The following OSBPL1A variants were observed in gnomAD, a reference collection of about 807,000 sequenced individuals.
OSBPL1A encodes the protein oxysterol binding protein like 1A, also known as oxysterol-binding protein-related protein 1.
In OSBPL1A, 80 loss-of-function variants were observed where a neutral mutation model predicts 137.1. That is an observed-to-expected ratio of 0.58 (90% CI 0.49 to 0.70). OSBPL1A has a LOEUF of 0.70. Ranked by LOEUF, OSBPL1A falls within the 30% of genes least tolerant of loss-of-function variation. The probability of loss-of-function intolerance (pLI) is 0.00; values close to 1 mark genes in which losing one functional copy is unlikely to be tolerated. For synonymous variants in OSBPL1A, 365 were observed against 389.7 expected, an observed-to-expected ratio of 0.94 and a Z score of 0.75; for missense variants, 970 against 1,129.4, an observed-to-expected ratio of 0.86 and a Z score of 2.02.
At chr18:24,173,690 G>C (rs2086353915) in intron 21 of OSBPL1A, among the ~76,000 whole-genome samples, 1 of 152,242 alleles carries the variant, frequency 6.6e-6, no homozygotes. Flanking sequence ...TGGGATTACA[G>C]GCGTGAGCCA....
chr18:24,320,285 G>T (rs927606152), intron 7 of OSBPL1A, among the ~76,000 whole-genome samples: 5 of 152,158 alleles, frequency 3.3e-5, no homozygotes, highest in Non-Finnish European at 7.3e-5. Flanking sequence ...AGCATAGAAG[G>T]TGGGAAAGAC....
chr18:24,239,964 C>T (rs997644826), intron 15 of OSBPL1A, among the ~76,000 whole-genome samples: 26 of 109,316 alleles, frequency 2.4e-4, no homozygotes, highest in Admixed American at 1.3e-4. Context: ...CTCATTTTGT[C>T]GCCTAAGCTG....
At position 24,291,509 on chromosome 18, in the gene OSBPL1A, A is replaced by G. The variant is rs2090173045; in HGVS notation, c.1175-10561T>C. Among the ~76,000 whole-genome samples the G allele has an allele frequency of 3.3e-5, 5 of 152,204 alleles. No individual in the cohort carries two copies. The South Asian group carries it at 1.0e-3, about 32-fold the overall frequency. On this transcript the variant is annotated intron_variant, in intron 14 of 27. Coordinates refer to ENST00000319481, the MANE Select transcript of OSBPL1A (RefSeq NM_080597.4). ...AATAAGAAATGAGGTAGGAGGATAGAACGAGAAGGCTCAACATATGTCTAT... is the reference window on the plus strand; with the variant it reads ...AATAAGAAATGAGGTAGGAGGATAGGACGAGAAGGCTCAACATATGTCTAT...
chr18:24,199,762 A>AG (rs966675035), intron 17 of OSBPL1A, among the ~76,000 whole-genome samples: 2 of 152,204 alleles, frequency 1.3e-5, no homozygotes, highest in African/African-American at 4.8e-5. Flanking sequence ...TTCTAAAAAT[A>AG]GGAGATGAGA....
chr18:24,387,077 CAT>C (rs1036560784), intron 1 of OSBPL1A, among the ~76,000 whole-genome samples: 25 of 151,402 alleles, frequency 1.7e-4, no homozygotes, highest in Admixed American at 1.4e-3. Flanking sequence ...TTTTGAAATA[CAT>C]ATATAGATAT....
At chr18:24,168,854 AGACT>A (rs1314333559) in intron 24 of OSBPL1A, among the ~76,000 whole-genome samples, 1 of 152,254 alleles carries the variant, frequency 6.6e-6, no homozygotes, top group Non-Finnish European at 1.5e-5. Flanking sequence ...TACTTTTCAC[AGACT>A]GACTGGGAAT....
intron 17 of OSBPL1A, among the ~76,000 whole-genome samples, chr18:24,206,110 C>T (rs1337183670): frequency 7.2e-5 from 11 of 152,176 alleles, no homozygotes; most frequent in African/African-American, 1.7e-4. Context: ...AGGCTGGTCT[C>T]GAACTCCTGA....
chr18:24,175,989 C>T (rs974770216), intron 21 of OSBPL1A, among the ~76,000 whole-genome samples: 4 of 152,234 alleles, frequency 2.6e-5, no homozygotes, highest in Admixed American at 2.6e-4. Flanking sequence ...TTCCCCGTCG[C>T]ATTAATCTAT....
At chr18:24,198,416 A>G (rs1216094689) in intron 17 of OSBPL1A, among the ~76,000 whole-genome samples, 2 of 152,190 alleles carry the variant, frequency 1.3e-5, no homozygotes, top group Non-Finnish European at 2.9e-5. Flanking sequence ...ACTTTCTGTG[A>G]TTTTATGAGA....
chr18:24,226,524 C>G (rs2088081642), intron 16 of OSBPL1A, among the ~76,000 whole-genome samples: 1 of 152,202 alleles, frequency 6.6e-6, no homozygotes, highest in African/African-American at 2.4e-5. Context: ...CACATTCCAG[C>G]AAACTTCCTA....
Position 24,185,526 on chromosome 18 carries a change from G to A in OSBPL1A, c.1678-4247C>T, listed in dbSNP as rs376555371. Among the ~76,000 whole-genome samples, 51 of 152,036 alleles carry A rather than the reference G, an allele frequency of 3.4e-4. No homozygotes were observed. In the East Asian group the frequency reaches 5.2e-3, roughly 16 times the overall value. ...AGTAGAGACGAGGTTTCACCACGTT[G>A]GCAAGGCTGGTCTTGAACTCCTGAC... On this transcript the variant is annotated intron_variant, in intron 18 of 27. Coordinates refer to ENST00000319481, the MANE Select transcript of OSBPL1A (RefSeq NM_080597.4).
Position 24,372,463 on chromosome 18 carries a change from G to A in OSBPL1A, c.122-4091C>T, listed in dbSNP as rs551801727. 3.9e-5 allele frequency among the ~76,000 whole-genome samples: 6 copies of A among 152,112 alleles called. No individual in the cohort carries two copies. The East Asian group carries it at 5.8e-4, about 15-fold the overall frequency. The stretch of plus-strand genomic sequence containing the variant: ...AAGCACAAAGCTGAACTCACCTGTC[G>A]TCCTCCGTACACACACTCGCAGGAA... On this transcript the variant is annotated intron_variant, in intron 2 of 27. Transcript: ENST00000319481.
At chr18:24,245,410 G>A (rs528388927) in intron 15 of OSBPL1A, among the ~76,000 whole-genome samples, 2 of 152,162 alleles carry the variant, frequency 1.3e-5, no homozygotes. Flanking sequence ...GCTGTGGCTA[G>A]AGGACCAACA....
intron 11 of OSBPL1A, 125 bp from the exon 12 acceptor site, chr18:24,314,472 G>T: frequency 1.7e-6 from 1 of 592,522 alleles, no homozygotes; most frequent in East Asian, 2.9e-5. Flanking sequence ...CTTAAGTATT[G>T]ACAGATAAAA....
At chr18:24,239,432 A>G in intron 15 of OSBPL1A, 50 bp from the exon 16 acceptor site, 1 of 1,498,848 alleles carries the variant, frequency 6.7e-7, no homozygotes, top group East Asian at 2.3e-5. Context: ...CAGGAGACAC[A>G]GACGTACTCA....
At chr18:24,330,381 T>C (rs1287843343) in intron 7 of OSBPL1A, among the ~76,000 whole-genome samples, 2 of 152,168 alleles carry the variant, frequency 1.3e-5, no homozygotes, top group Non-Finnish European at 2.9e-5. Context: ...TACTAGATTA[T>C]AATGGTATTG....
intron 5 of OSBPL1A, among the ~76,000 whole-genome samples, chr18:24,339,932 TC>T (rs1199574062): frequency 6.6e-6 from 1 of 152,150 alleles, no homozygotes; most frequent in Non-Finnish European, 1.5e-5. Context: ...TCAAGACTAA[TC>T]GGGGTAATAA....
intron 14 of OSBPL1A, among the ~76,000 whole-genome samples, chr18:24,294,636 T>C (rs887211879): frequency 2.0e-5 from 3 of 152,202 alleles, no homozygotes; most frequent in South Asian, 2.1e-4. Context: ...CTCCCACTTA[T>C]AAATGAGAAC....
chr18:24,352,497 A>G (rs2091458717), intron 4 of OSBPL1A, among the ~76,000 whole-genome samples: 1 of 152,212 alleles, frequency 6.6e-6, no homozygotes, highest in Non-Finnish European at 1.5e-5. Flanking sequence ...TGCCCAAGGT[A>G]ATTTATAGAT....
Sources: allele counts gnomAD v4.1 joint callset (sites outside exome capture counted in the v4.1 genomes callset), GRCh38; gene constraint gnomAD v4.1.1; transcripts MANE v1.5; gene names NCBI Gene and HGNC (gene_info 2026-07-23, HGNC 2026-07-21).